The following PAFAH2 variants were observed in gnomAD, a reference collection of about 807,000 sequenced individuals.
PAFAH2 encodes platelet activating factor acetylhydrolase 2, also known as platelet-activating factor acetylhydrolase 2, cytoplasmic.
In PAFAH2, 42 loss-of-function variants were observed where a neutral mutation model predicts 49.0. That is an observed-to-expected ratio of 0.86 (90% CI 0.67 to 1.11). PAFAH2 has a LOEUF of 1.11. Ranked by LOEUF, PAFAH2 falls within the 50% of genes least tolerant of loss-of-function variation. The probability of loss-of-function intolerance (pLI) is 0.00; values close to 1 mark genes in which losing one functional copy is unlikely to be tolerated. For synonymous variants in PAFAH2, 184 were observed against 181.3 expected (o/e 1.01, Z -0.12); for missense variants, 503 against 501.8 (o/e 1.00, Z -0.02).
intron 7 of PAFAH2, among the ~76,000 whole-genome samples, chr1:25,978,958 T>C (rs1415467199): frequency 1.3e-5 from 2 of 152,246 alleles, no homozygotes; most frequent in Non-Finnish European, 2.9e-5. Flanking sequence ...ACTTTTGCCA[T>C]AACAAACAAC....
At chr1:25,971,303 G>A (rs1277721096) in intron 10 of PAFAH2, among the ~76,000 whole-genome samples, 4 of 152,156 alleles carry the variant, frequency 2.6e-5, no homozygotes, top group African/African-American at 9.7e-5. Flanking sequence ...GCTACAGTGT[G>A]TTCTGGTGGG....
At chr1:25,996,637 A>C (rs940274150) in intron 1 of PAFAH2, among the ~76,000 whole-genome samples, 1 of 152,136 alleles carries the variant, frequency 6.6e-6, no homozygotes, top group Non-Finnish European at 1.5e-5. Flanking sequence ...GCGAGACTCC[A>C]TCTCAAAAAA....
Position 25,974,538 on chromosome 1 carries a change from C to T in PAFAH2, c.871G>A (p.Val291Ile), listed in dbSNP as rs374170832. Reference sequence around the variant, plus strand: ...GCACATATCTTCTTCATCAAATTGACACTCTCCATTGTCTGGAATTTCTCA... The same window carrying T: ...GCACATATCTTCTTCATCAAATTGATACTCTCCATTGTCTGGAATTTCTCA... Reference protein sequence around the residue: ...NTEKFQTMESVNLMKKICAQH... With the variant: ...NTEKFQTMESINLMKKICAQH... The change falls in exon 9 of 11, where the codon GTC (valine) becomes ATC (isoleucine). Residue 291 changes from valine (V) to isoleucine (I), a missense_variant. By Grantham distance (29) the Val-to-Ile change is conservative (BLOSUM62 3). Coordinates refer to ENST00000374282, the MANE Select transcript of PAFAH2 (RefSeq NM_000437.4). 220 of 1,614,002 alleles carry T rather than the reference C, an allele frequency of 1.4e-4. No homozygotes were observed. The highest frequency in any genetic ancestry group is 1.8e-4 in the Non-Finnish European group (214 of 1,179,998).
intron 7 of PAFAH2, among the ~76,000 whole-genome samples, chr1:25,978,205 A>T (rs3767928): frequency 0.54 from 81,141 of 150,486 alleles, 24,735 homozygotes; most frequent in East Asian, 0.7. Context: ...CTTCAACATT[A>T]AAAAAAAATA....
chr1:25,982,440 T>A lies in PAFAH2; in HGVS notation c.590A>T (p.Lys197Met). 6.2e-7 allele frequency: 1 copy of A among 1,614,134 alleles called. No homozygotes were observed. Among genetic ancestry groups the A allele is most frequent in the South Asian group, 1.1e-5 (1 of 91,086 alleles). ...QRVSECLRVL[K>M]ILQEVTAGQT... The stretch of plus-strand genomic sequence containing the variant: ...CCCAGCAGTGACCTCTTGCAGGATC[T>A]TCAACACCCGTAAACACTCGCTTAC... Residue 197 changes from lysine to methionine, a missense_variant, in exon 7 of 11, where the codon AAG (lysine) becomes ATG (methionine). By Grantham distance (95) the Lys-to-Met change is moderately conservative (BLOSUM62 -1). Transcript: ENST00000374282.
chr1:25,966,985 T>A (rs2049434222), intron 10 of PAFAH2, among the ~76,000 whole-genome samples: 1 of 142,862 alleles, frequency 7.0e-6, no homozygotes, highest in African/African-American at 2.6e-5. Flanking sequence ...TGAGCCGAGA[T>A]CGCGCCACTG....
At chr1:25,988,980 T>C (rs779509885) in intron 3 of PAFAH2, among the ~76,000 whole-genome samples, 1 of 150,926 alleles carries the variant, frequency 6.6e-6, no homozygotes, top group Non-Finnish European at 1.5e-5. Flanking sequence ...AGAAGAGGGG[T>C]GACTGGAGGG....
intron 8 of PAFAH2, among the ~76,000 whole-genome samples, chr1:25,976,475 GA>G (rs1231833429): frequency 6.6e-6 from 1 of 152,056 alleles, no homozygotes; most frequent in African/African-American, 2.4e-5. Context: ...TGGTCATGGG[GA>G]TTTTATTATC....
chr1:25,989,346 G>A (rs776517064), intron 3 of PAFAH2, 102 bp downstream of exon 3: 32 of 1,131,204 alleles, frequency 2.8e-5, no homozygotes, highest in Non-Finnish European at 3.7e-5. Context: ...CCTTACAAAA[G>A]CCTGGACACT....
intron 10 of PAFAH2, among the ~76,000 whole-genome samples, chr1:25,964,781 GA>G (rs2049395604): frequency 6.6e-6 from 1 of 152,034 alleles, no homozygotes; most frequent in Non-Finnish European, 1.5e-5. Flanking sequence ...CAAACAAATG[GA>G]AAAAACATCC....
intron 8 of PAFAH2, 98 bp from the exon 9 acceptor site, chr1:25,974,748 T>C (rs2049563737): frequency 1.7e-6 from 2 of 1,193,068 alleles, no homozygotes; most frequent in Non-Finnish European, 2.3e-6. Flanking sequence ...TCTGGTGGGG[T>C]AAAGGCTCAG....
intron 7 of PAFAH2, among the ~76,000 whole-genome samples, chr1:25,981,448 C>A (rs577293168): frequency 3.0e-4 from 46 of 152,044 alleles, no homozygotes; most frequent in African/African-American, 1.1e-3. Flanking sequence ...TGGTTTTATA[C>A]CCTCCCGGGA....
chr1:25,988,338 C>T lies in PAFAH2; in HGVS notation c.245-11G>A, dbSNP rs199910041. The T allele has an allele frequency of 1.2e-6, 2 of 1,602,942 alleles. No individual in the cohort carries two copies. Among genetic ancestry groups the T allele is most frequent in the East Asian group, 4.5e-5 (2 of 44,540 alleles). On this transcript the variant is annotated splice_polypyrimidine_tract_variant and intron_variant, in intron 3 of 10. Transcript: ENST00000374282. The stretch of plus-strand genomic sequence containing the variant: ...GCAGGCGACAAGATCCTAGCAGAGA[C>T]ATGGGCTATAGAATATCTGGCTGCC...
intron 1 of PAFAH2, chr1:25,997,333 G>A (rs779843235): frequency 1.3e-5 from 2 of 152,248 alleles, no homozygotes; most frequent in Non-Finnish European, 2.9e-5. Flanking sequence ...CCTGATAAGA[G>A]TGTTCCAGAG....
At chr1:25,993,867 G>A (rs1411314887) in intron 1 of PAFAH2, among the ~76,000 whole-genome samples, 8 of 152,128 alleles carry the variant, frequency 5.3e-5, no homozygotes, top group Non-Finnish European at 1.2e-4. Flanking sequence ...CAGGAGTTCT[G>A]AGAAGAAACA....
intron 1 of PAFAH2, among the ~76,000 whole-genome samples, chr1:25,995,122 T>C (rs2049921194): frequency 6.6e-6 from 1 of 152,216 alleles, no homozygotes; most frequent in Non-Finnish European, 1.5e-5. Context: ...GTCTAAATAG[T>C]TCATGGTAGT....
chr1:25,971,392 G>A (rs1239274820), intron 10 of PAFAH2, among the ~76,000 whole-genome samples: 3 of 152,282 alleles, frequency 2.0e-5, no homozygotes, highest in African/African-American at 7.2e-5. Context: ...GCAGTGAGCA[G>A]TGGGAGCTGA....
chr1:25,992,222 C>T (rs1451067158), intron 1 of PAFAH2, among the ~76,000 whole-genome samples: 2 of 152,162 alleles, frequency 1.3e-5, no homozygotes, highest in African/African-American at 4.8e-5. Flanking sequence ...AGAGCCACCA[C>T]ACCCAGCTTT....
At chr1:25,987,775 G>C (rs1482256474) in intron 4 of PAFAH2, among the ~76,000 whole-genome samples, 2 of 151,982 alleles carry the variant, frequency 1.3e-5, no homozygotes, top group African/African-American at 4.8e-5. Flanking sequence ...GCTACTTGGT[G>C]GCTGAGGCAG....
Sources: gnomAD v4.1 joint callset for allele counts (sites outside exome capture counted in the v4.1 genomes callset) on GRCh38, gnomAD v4.1.1 for gene constraint, MANE v1.5 for transcripts, NCBI Gene and HGNC (gene_info 2026-07-23, HGNC 2026-07-21) for gene names.